Variants in MYO15B observed in about 807,000 individuals in gnomAD.
The protein encoded by MYO15B is myosin XVB pseudogene.
In MYO15B, 207 loss-of-function variants were observed where a neutral mutation model predicts 119.3. The ratio of observed to expected loss-of-function variants is 1.73; its 90% CI spans 1.55 to 1.95. The LOEUF is 1.95. Among genes scored for constraint, MYO15B ranks in the 30% most tolerant of loss-of-function variants. MYO15B has a pLI of 0.00. For missense variants in MYO15B, 2,264 were observed against 1,203.1 expected, an observed-to-expected ratio of 1.88 and a Z score of -13.04; for synonymous variants, 966 against 498.9, an observed-to-expected ratio of 1.94 and a Z score of -12.48.
exon 3 of MYO15B, chr17:75,590,981 A>G: frequency 1.8e-6 from 1 of 568,760 alleles, no homozygotes; most frequent in Admixed American, 3.0e-5. Flanking sequence ...AGGTCCAGGC[A>G]AGCTACCACC....
exon 50 of MYO15B, chr17:75,621,161 G>C: frequency 1.4e-6 from 1 of 696,810 alleles, no homozygotes; most frequent in South Asian, 1.5e-5. Context: ...CGTTACTTCC[G>C]GAGGTCCCAG....
chr17:75,592,871 G>A (rs1290056091), intron 9 of MYO15B, 31 bp downstream of exon 9: 1 of 694,604 alleles, frequency 1.4e-6, no homozygotes, highest in East Asian at 2.7e-5. Flanking sequence ...GGGCCATCTG[G>A]GGTGCTGGGT....
chr17:75,590,540 C>T, intron 1 of MYO15B, 86 bp from the exon 2 acceptor site: 1 of 336,058 alleles, frequency 3.0e-6, no homozygotes, highest in Non-Finnish European at 5.3e-6. Context: ...GAATGACTTG[C>T]CAGGGTCCCT....
chr17:75,592,486 T>C (rs765176367), exon 8 of MYO15B: 14 of 610,372 alleles, frequency 2.3e-5, no homozygotes, highest in South Asian at 9.6e-5. Flanking sequence ...CTGGACTCCA[T>C]AGAGCGGGAG....
chr17:75,616,980 C>CT lies in MYO15B; in HGVS notation c.6594+20dup, dbSNP rs1176660467. 4 of 702,776 alleles carry CT rather than the reference C, an allele frequency of 5.7e-6. No individual in the cohort carries two copies. Among genetic ancestry groups the CT allele is most frequent in the African/African-American group, 3.5e-5 (2 of 57,278 alleles). The allele number at this position is 702,776 out of a possible 1,614,324, so 43.5% of individuals were successfully genotyped here. The stretch of plus-strand genomic sequence containing the variant: ...CCCGCCGGTGAGCACCCCAGCCTGT[C>CT]TCCCCCAGAGTGTGTGCTGCTGCAC... On this transcript the variant is annotated intron_variant, in intron 40 of 63. Transcript: ENST00000645453.
At chr17:75,626,538 C>T (rs2059081296) in exon 64 of MYO15B, 1 of 702,442 alleles carries the variant, frequency 1.4e-6, no homozygotes. Context: ...GCCCAAGTCT[C>T]ACCCACATGG....
chr17:75,588,992 C>A, exon 1 of MYO15B: 1 of 398,016 alleles, frequency 2.5e-6, no homozygotes, highest in East Asian at 3.6e-5. Flanking sequence ...GGGCAGGTGC[C>A]AGCGGCGGCA....
chr17:75,593,105 A>T, intron 9 of MYO15B: 1 of 288,958 alleles, frequency 3.5e-6, no homozygotes, highest in Non-Finnish European at 6.4e-6. Context: ...CACACCTGTG[A>T]TCCCAGCACT....
chr17:75,612,105 T>C (rs2058065619), intron 25 of MYO15B, 89 bp downstream of exon 25: 2 of 666,226 alleles, frequency 3.0e-6, no homozygotes, highest in Non-Finnish European at 5.5e-6. Flanking sequence ...TTCCCCGCTG[T>C]CAGCTCTTGC....
rs181126557 is a variant in MYO15B at position 75,614,215 on chromosome 17, C to G, written c.5236C>G (p.Pro1746Ala). The stretch of plus-strand genomic sequence containing the variant: ...CCCACCCAGAGGCCTGGAGGCGCCT[C>G]CCCGGGGCTGGTCTGTGTCACTGCA... Residue 1746 changes from proline to alanine, a missense_variant, in exon 30 of 64, where the codon CCC becomes GCC. By Grantham distance (27) the Pro-to-Ala change is conservative (BLOSUM62 -1). Transcript: ENST00000645453. 1.1e-3 allele frequency: 740 copies of G among 702,526 alleles called. 8 individuals are homozygous for G. In the African/African-American group the frequency reaches 0.011, roughly 10 times the overall value. 43.5% of individuals were successfully genotyped at this position (702,526 alleles called of 1,614,324 possible).
intron 61 of MYO15B, 25 bp downstream of exon 61, chr17:75,625,685 T>C: frequency 1.4e-6 from 1 of 702,540 alleles, no homozygotes; most frequent in Non-Finnish European, 2.6e-6. Flanking sequence ...AGGGGACCGC[T>C]GGGTGGGGGC....
chr17:75,609,292 C>T (rs1457470769), intron 21 of MYO15B, among the ~76,000 whole-genome samples: 1 of 151,794 alleles, frequency 6.6e-6, no homozygotes, highest in Non-Finnish European at 1.5e-5. Context: ...CTACCTCAGC[C>T]TCCCAAGTAG....
chr17:75,622,896 A>C (rs2033219741), intron 53 of MYO15B, among the ~76,000 whole-genome samples: 1 of 152,146 alleles, frequency 6.6e-6, no homozygotes, highest in Admixed American at 6.5e-5. Context: ...TCAAGGGAGA[A>C]GGCTGGAGGC....
intron 8 of MYO15B, 43 bp from the exon 9 acceptor site, chr17:75,592,636 G>C: frequency 1.5e-6 from 1 of 669,808 alleles, no homozygotes; most frequent in Non-Finnish European, 2.7e-6. Context: ...GGGAGGCTAT[G>C]GGGTGGCAGG....
exon 27 of MYO15B, chr17:75,612,993 A>G: frequency 4.3e-6 from 3 of 691,898 alleles, no homozygotes; most frequent in Non-Finnish European, 8.0e-6. Context: ...CTCCTGGGGG[A>G]CGGATCCCTG....
exon 64 of MYO15B, chr17:75,626,578 C>A: frequency 1.5e-6 from 1 of 684,226 alleles, no homozygotes; most frequent in South Asian, 1.5e-5. Flanking sequence ...GATCACTGTT[C>A]TAGAACCTGC....
intron 14 of MYO15B, among the ~76,000 whole-genome samples, chr17:75,598,485 G>A (rs1405868397): frequency 1.4e-5 from 2 of 148,032 alleles, no homozygotes; most frequent in African/African-American, 2.5e-5. Flanking sequence ...GGCTGAGGCA[G>A]GAGAATGGCG....
At chr17:75,599,311 G>A (rs2057088186) in intron 14 of MYO15B, among the ~76,000 whole-genome samples, 1 of 149,670 alleles carries the variant, frequency 6.7e-6, no homozygotes, top group Non-Finnish European at 1.5e-5. Context: ...GAGTCTCGCT[G>A]TTGCCCAGGT....
At chr17:75,591,438 C>G (rs55903825) in intron 4 of MYO15B, 163 bp from the exon 5 acceptor site, 12 of 615,028 alleles carry the variant, frequency 2.0e-5, no homozygotes, top group Admixed American at 8.1e-5. Context: ...GGGACTTTTT[C>G]TTTTCTGTCG....
Sources: allele counts gnomAD v4.1 joint callset (sites outside exome capture counted in the v4.1 genomes callset), GRCh38; gene constraint gnomAD v4.1.1; transcripts MANE v1.5; gene names NCBI Gene and HGNC (gene_info 2026-07-23, HGNC 2026-07-21).